Variants in CDH18 observed in about 807,000 individuals in gnomAD.
CDH18 encodes cadherin 18, also known as cadherin-18.
A neutral mutation model predicts 67.9 loss-of-function variants in CDH18; 31 were observed. The observed-to-expected ratio is 0.46, with a 90% CI of 0.34 to 0.62. CDH18 has a LOEUF of 0.62. Ranked by LOEUF, CDH18 falls within the 20% of genes least tolerant of loss-of-function variation. CDH18 has a pLI of 0.01. For synonymous variants in CDH18, 362 were observed against 347.2 expected (o/e 1.04, Z -0.48); for missense variants, 890 against 975.5 (o/e 0.91, Z 1.17).
At chr5:20,424,754 A>G in intron 1 of CDH18, among the ~76,000 whole-genome samples, 1 of 147,436 alleles carries the variant, frequency 6.8e-6, no homozygotes, top group African/African-American at 2.6e-5. Flanking sequence ...CTAAAAAAAA[A>G]AAAAAAAAAA....
chr5:19,836,077 C>T (rs558335524), intron 3 of CDH18, among the ~76,000 whole-genome samples: 1 of 152,204 alleles, frequency 6.6e-6, no homozygotes, highest in South Asian at 2.1e-4. Context: ...GAATTTCCCT[C>T]CCTTTTCCAG....
intron 9 of CDH18, among the ~76,000 whole-genome samples, chr5:19,537,340 A>AT (rs1749577182): frequency 6.6e-6 from 1 of 152,036 alleles, no homozygotes; most frequent in African/African-American, 2.4e-5. Context: ...ATGTGAGCCA[A>AT]TTTTTTATAA....
At chr5:20,324,909 A>G (rs1179365179) in intron 1 of CDH18, among the ~76,000 whole-genome samples, 1 of 152,202 alleles carries the variant, frequency 6.6e-6, no homozygotes, top group Non-Finnish European at 1.5e-5. Flanking sequence ...GTAACATCTT[A>G]TTAGTTCCCT....
intron 2 of CDH18, among the ~76,000 whole-genome samples, chr5:20,140,677 C>T (rs181073192): frequency 3.7e-4 from 56 of 152,140 alleles, no homozygotes; most frequent in African/African-American, 1.1e-3. Flanking sequence ...TGTTCTGTGA[C>T]GACAGTTCTC....
chr5:20,276,015 C>T (rs1333526843), intron 1 of CDH18, among the ~76,000 whole-genome samples: 1 of 152,196 alleles, frequency 6.6e-6, no homozygotes, highest in Non-Finnish European at 1.5e-5. Flanking sequence ...GGAAATTACC[C>T]ACCCCAGCAG....
chr5:19,616,605 C>T (rs1749881720), intron 5 of CDH18, among the ~76,000 whole-genome samples: 1 of 152,092 alleles, frequency 6.6e-6, no homozygotes, highest in Admixed American at 6.6e-5. Context: ...CCTGAAGTTT[C>T]CTCAATGATC....
intron 1 of CDH18, among the ~76,000 whole-genome samples, chr5:20,391,951 CA>C (rs1208074316): frequency 1.3e-5 from 2 of 151,568 alleles, no homozygotes; most frequent in African/African-American, 2.4e-5. Flanking sequence ...ATAGCATAAA[CA>C]GCCAAAATAT....
chr5:19,568,821 G>A (rs1238407850), intron 8 of CDH18, among the ~76,000 whole-genome samples: 1 of 152,088 alleles, frequency 6.6e-6, no homozygotes, highest in Non-Finnish European at 1.5e-5. Flanking sequence ...AAGGTAATTT[G>A]TTATAGCAGC....
At chr5:19,515,493 T>G (rs1745836961) in intron 10 of CDH18, among the ~76,000 whole-genome samples, 1 of 152,214 alleles carries the variant, frequency 6.6e-6, no homozygotes, top group Admixed American at 6.5e-5. Context: ...GGAATGTTCT[T>G]CTATTTGTTT....
intron 5 of CDH18, among the ~76,000 whole-genome samples, chr5:19,627,448 C>G (rs1751715555): frequency 6.6e-6 from 1 of 152,226 alleles, no homozygotes; most frequent in Non-Finnish European, 1.5e-5. Context: ...AGATAGTAAT[C>G]AAGCATTTAT....
At chr5:19,975,618 T>C (rs966947714) in intron 2 of CDH18, among the ~76,000 whole-genome samples, 2 of 152,176 alleles carry the variant, frequency 1.3e-5, no homozygotes, top group Admixed American at 6.5e-5. Context: ...AATAATACTT[T>C]TTTGCTGTTG....
chr5:19,738,376 TA>T (rs1768641582), intron 4 of CDH18, among the ~76,000 whole-genome samples: 1 of 152,204 alleles, frequency 6.6e-6, no homozygotes, highest in Non-Finnish European at 1.5e-5. Context: ...CCAAATTATA[TA>T]CCTCAATGAT....
chr5:19,903,488 A>G (rs1790153802), intron 2 of CDH18, among the ~76,000 whole-genome samples: 1 of 148,900 alleles, frequency 6.7e-6, no homozygotes, highest in Admixed American at 6.7e-5. Context: ...AGAGATCAAT[A>G]TGTAACATTA....
chr5:19,646,199 G>T (rs886866307), intron 5 of CDH18, among the ~76,000 whole-genome samples: 1 of 152,034 alleles, frequency 6.6e-6, no homozygotes, highest in African/African-American at 2.4e-5. Flanking sequence ...TGGCTTGTTT[G>T]TTTATCTTTA....
intron 5 of CDH18, among the ~76,000 whole-genome samples, chr5:19,671,395 T>C (rs1488373478): frequency 6.6e-6 from 1 of 152,160 alleles, no homozygotes; most frequent in Non-Finnish European, 1.5e-5. Flanking sequence ...ATACCATTGA[T>C]AGTCAACTTG....
intron 5 of CDH18, among the ~76,000 whole-genome samples, chr5:19,686,150 C>G (rs1310052080): frequency 6.6e-6 from 1 of 151,872 alleles, no homozygotes; most frequent in Non-Finnish European, 1.5e-5. Flanking sequence ...AAAATATATA[C>G]AAATTCTTAA....
chr5:20,500,458 G>T (rs572926288), intron 1 of CDH18, among the ~76,000 whole-genome samples: 1 of 152,192 alleles, frequency 6.6e-6, no homozygotes, highest in East Asian at 1.9e-4. Context: ...GAGTGAATTG[G>T]CCAGGGGCAC....
chr5:19,730,038 T>C (rs1482062885), intron 4 of CDH18, among the ~76,000 whole-genome samples: 1 of 151,930 alleles, frequency 6.6e-6, no homozygotes, highest in African/African-American at 2.4e-5. Flanking sequence ...TTCTTTCTGC[T>C]TTGGATGATG....
intron 1 of CDH18, among the ~76,000 whole-genome samples, chr5:19,987,556 G>T (rs979858449): frequency 2.2e-4 from 33 of 151,382 alleles, no homozygotes; most frequent in African/African-American, 7.0e-4. Flanking sequence ...AAGAATGAAA[G>T]AATATAAATG....
Sources: allele counts gnomAD v4.1 joint callset (sites outside exome capture counted in the v4.1 genomes callset), GRCh38; gene constraint gnomAD v4.1.1; transcripts MANE v1.5; gene names NCBI Gene and HGNC (gene_info 2026-07-23, HGNC 2026-07-21).